APBB2: variants seen among roughly 807,000 people sequenced by gnomAD.
The protein encoded by APBB2 is amyloid beta precursor protein binding family B member 2, also known as Fe65-like 1.
Under a neutral mutation model 82.5 loss-of-function variants are expected in APBB2, and 38 were observed. The observed-to-expected ratio is 0.46, with a 90% confidence interval of 0.36 to 0.60. The LOEUF (loss-of-function observed/expected upper bound fraction) is 0.60. Ranked by LOEUF, APBB2 falls within the 20% of genes least tolerant of loss-of-function variation. APBB2 has a pLI of 0.00. For missense variants in APBB2, 772 were observed against 972.3 expected (o/e 0.79, Z 2.74); for synonymous variants, 341 against 368.2 (o/e 0.93, Z 0.85).
chr4:40,982,288 AGG>A (rs1293964527), intron 6 of APBB2, among the ~76,000 whole-genome samples: 1,060 of 37,876 alleles, frequency 0.028, 196 homozygotes, highest in African/African-American at 0.13. Flanking sequence ...GAAAGAAGGA[AGG>A]AAGGAAGGAA....
chr4:40,913,362 T>C (rs1779039725), intron 10 of APBB2, among the ~76,000 whole-genome samples: 1 of 152,232 alleles, frequency 6.6e-6, no homozygotes, highest in Non-Finnish European at 1.5e-5. Flanking sequence ...GCATGCTCCC[T>C]AGGCGGAATC....
At chr4:40,898,855 TCACA>T (rs777366496) in intron 10 of APBB2, among the ~76,000 whole-genome samples, 10 of 118,158 alleles carry the variant, frequency 8.5e-5, no homozygotes, top group Admixed American at 2.9e-4. Context: ...ACACACACAC[TCACA>T]CACACACACA....
chr4:40,887,857 T>C (rs1342678015), intron 12 of APBB2, among the ~76,000 whole-genome samples: 2 of 152,176 alleles, frequency 1.3e-5, no homozygotes, highest in African/African-American at 2.4e-5. Flanking sequence ...TAAGAAGTGA[T>C]TTAAAAACAT....
intron 4 of APBB2, among the ~76,000 whole-genome samples, chr4:41,058,519 G>A (rs1205967283): frequency 6.6e-6 from 1 of 152,142 alleles, no homozygotes; most frequent in Non-Finnish European, 1.5e-5. Context: ...TTTACAGGTT[G>A]GGTTCACATG....
chr4:40,884,853 T>A (rs1465601861), intron 12 of APBB2, among the ~76,000 whole-genome samples: 2 of 151,950 alleles, frequency 1.3e-5, no homozygotes, highest in African/African-American at 2.4e-5. Context: ...TGAAAAAAAA[T>A]TCGGTACAGT....
intron 4 of APBB2, among the ~76,000 whole-genome samples, chr4:41,044,183 C>A (rs1262011574): frequency 6.6e-6 from 1 of 152,148 alleles, no homozygotes; most frequent in Non-Finnish European, 1.5e-5. Context: ...CCTTCATCTA[C>A]CACTTGGTTT....
In APBB2 at chr4:40,935,093, T is replaced by C; in HGVS notation, c.1091A>G (p.Asn364Ser). 6.5e-7 allele frequency: 1 copy of C among 1,535,506 alleles called. No homozygotes were observed. The highest frequency in any genetic ancestry group is 8.7e-7 in the Non-Finnish European group (1 of 1,145,524). ...DFAVLNGGKI[N>S]SDIWKDLHAA... is the part of the protein sequence containing the mutation. ...TATACTTGCCTTCCAAATGTCACTA[T>C]TAATCTTTCCCCCATTCAGAACAGC... The change falls in exon 8 of 18, where the codon AAT becomes AGT. Residue 364 changes from asparagine (N) to serine (S), a missense_variant. Asn to Ser is a conservative substitution (Grantham distance 46, BLOSUM62 1). Transcript: ENST00000508593.
In APBB2 at chr4:41,001,923, C is replaced by G. The variant is rs1239128945; in HGVS notation, c.835+11660G>C. 1.3e-5 allele frequency among the ~76,000 whole-genome samples: 2 copies of G among 151,752 alleles called. 1 individual carries two copies. The highest frequency in any genetic ancestry group is 2.9e-5 in the Non-Finnish European group (2 of 67,878). ...AAAAAGAAAAAGACAAAAGCTTACA[C>G]ACAATAAGCATCAGCTCACCTCTTA... On this transcript the variant is annotated intron_variant, in intron 6 of 17. Coordinates refer to ENST00000508593, the MANE Select transcript of APBB2 (RefSeq NM_004307.2).
intron 12 of APBB2, among the ~76,000 whole-genome samples, chr4:40,868,314 G>C (rs1764556079): frequency 6.6e-6 from 1 of 152,232 alleles, no homozygotes; most frequent in African/African-American, 2.4e-5. Context: ...AGTGGATTCT[G>C]ACATGCACTT....
intron 1 of APBB2, among the ~76,000 whole-genome samples, chr4:41,206,455 G>T (rs563325752): frequency 1.3e-5 from 2 of 152,304 alleles, no homozygotes; most frequent in African/African-American, 4.8e-5. Context: ...ACAAAGGAAG[G>T]AACAAATGAA....
At chr4:40,999,329 A>G (rs1804507818) in intron 6 of APBB2, among the ~76,000 whole-genome samples, 1 of 152,204 alleles carries the variant, frequency 6.6e-6, no homozygotes, top group South Asian at 2.1e-4. Flanking sequence ...CTGTGGTCCC[A>G]GCTACTCAGG....
intron 12 of APBB2, among the ~76,000 whole-genome samples, chr4:40,858,454 C>CAAAAAA (rs34433911): frequency 2.3e-4 from 13 of 57,714 alleles, no homozygotes; most frequent in South Asian, 8.2e-4. Context: ...GAGTCCGTCT[C>CAAAAAA]AAAAAAAAAA....
At chr4:40,944,817 C>G in intron 7 of APBB2, 48 bp downstream of exon 7, 11 of 1,590,910 alleles carry the variant, frequency 6.9e-6, no homozygotes, top group Non-Finnish European at 9.5e-6. Context: ...AGAGAAACCA[C>G]AAGTTACATC....
At chr4:41,152,638 T>G (rs1319786980) in intron 1 of APBB2, among the ~76,000 whole-genome samples, 4 of 152,190 alleles carry the variant, frequency 2.6e-5, no homozygotes, top group Admixed American at 2.6e-4. Flanking sequence ...TTCACTTGTT[T>G]CTGATGACTC....
In APBB2 at chr4:41,014,865, G is replaced by A. The variant is rs577967748; in HGVS notation, c.20-467C>T. 3.3e-5 allele frequency among the ~76,000 whole-genome samples: 5 copies of A among 152,310 alleles called. No individual in the cohort carries two copies. In the South Asian group the frequency reaches 1.0e-3, roughly 32 times the overall value. On this transcript the variant is annotated intron_variant, in intron 5 of 17. Transcript: ENST00000508593. ...TTAACCTGAAAGGTCATTGTTCAAT[G>A]ATGCTCCATACATCCAAGGTAATTT...
chr4:40,968,326 C>T (rs749184435), intron 6 of APBB2, among the ~76,000 whole-genome samples: 2 of 152,202 alleles, frequency 1.3e-5, no homozygotes, highest in South Asian at 2.1e-4. Context: ...GTACAGTGCT[C>T]GTAGATGCAT....
intron 12 of APBB2, among the ~76,000 whole-genome samples, chr4:40,884,220 T>C (rs927810456): frequency 6.6e-6 from 1 of 152,214 alleles, no homozygotes; most frequent in Non-Finnish European, 1.5e-5. Flanking sequence ...ATGGGTCACC[T>C]AAGGTAATCA....
intron 3 of APBB2, among the ~76,000 whole-genome samples, chr4:41,078,789 A>G (rs1183172631): frequency 1.3e-5 from 2 of 152,124 alleles, no homozygotes; most frequent in Non-Finnish European, 2.9e-5. Flanking sequence ...TTTTATCCTT[A>G]TGTCGGGAGA....
At chr4:40,933,466 T>C in intron 10 of APBB2, among the ~76,000 whole-genome samples, 1 of 152,158 alleles carries the variant, frequency 6.6e-6, no homozygotes, top group East Asian at 1.9e-4. Flanking sequence ...GTGCCTGGAC[T>C]GCGGGTAGGC....
Sources: allele counts gnomAD v4.1 joint callset (sites outside exome capture counted in the v4.1 genomes callset), GRCh38; gene constraint gnomAD v4.1.1; transcripts MANE v1.5; gene names NCBI Gene and HGNC (gene_info 2026-07-23, HGNC 2026-07-21).